Variants in ANK3 observed in about 807,000 individuals in gnomAD.
ANK3 encodes ankyrin 3.
Under a neutral mutation model 370.9 loss-of-function variants are expected in ANK3, and 57 were observed. That is an observed-to-expected ratio of 0.15 (90% CI 0.12 to 0.19). ANK3 has a LOEUF of 0.19. Among genes scored for constraint, ANK3 ranks in the 10% least tolerant of loss-of-function variants. The pLI, the probability that ANK3 is intolerant of heterozygous loss-of-function variation, is 1.00. For missense variants in ANK3, 4,439 were observed against 5,302.1 expected, an observed-to-expected ratio of 0.84 and a Z score of 5.06; for synonymous variants, 1,929 against 1,946.3, an observed-to-expected ratio of 0.99 and a Z score of 0.23.
intron 1 of ANK3, among the ~76,000 whole-genome samples, chr10:60,384,027 A>T (rs1480928856): frequency 6.6e-6 from 1 of 152,216 alleles, no homozygotes; most frequent in Non-Finnish European, 1.5e-5. Context: ...CCTTTGACCC[A>T]AGTTCAAGCC....
Position 60,051,448 on chromosome 10 carries a change from C to A in ANK3, c.13065+4210G>T. ...AGGAGTTTCTAATAGTAGAGCAATG[C>A]CACATAATGATCCAGCTACAGGATA... On this transcript the variant is annotated intron_variant, in intron 42 of 43. Coordinates refer to ENST00000280772, the MANE Select transcript of ANK3 (RefSeq NM_020987.5). 5 of 964,746 alleles carry A rather than the reference C, an allele frequency of 5.2e-6. No individual in the cohort carries two copies. In the South Asian group the frequency reaches 2.4e-4, roughly 46 times the overall value. The allele number at this position is 964,746 out of a possible 1,614,324, so 59.8% of individuals were successfully genotyped here. A position where few individuals can be genotyped will look rare whatever the true frequency, so the allele number is the denominator to read the frequency against.
At chr10:60,345,469 T>G (rs185384265) in intron 1 of ANK3, among the ~76,000 whole-genome samples, 147 of 152,316 alleles carry the variant, frequency 9.7e-4, no homozygotes, top group African/African-American at 3.4e-3. Context: ...TAATTTTCCC[T>G]TTCCTGTTTG....
At chr10:60,547,386 C>T (rs1206043267) in intron 2 of ANK3, among the ~76,000 whole-genome samples, 1 of 151,822 alleles carries the variant, frequency 6.6e-6, no homozygotes, top group Non-Finnish European at 1.5e-5. Flanking sequence ...CCATCGCTCC[C>T]GGTCCTTTTC....
At chr10:60,430,401 G>A (rs1397098839) in intron 2 of ANK3, among the ~76,000 whole-genome samples, 2 of 152,076 alleles carry the variant, frequency 1.3e-5, no homozygotes, top group African/African-American at 4.8e-5. Flanking sequence ...GGTCCATAGA[G>A]TGCAAGAGAA....
chr10:60,430,695 ACTTGTGGGT>A (rs1268908118), intron 2 of ANK3, among the ~76,000 whole-genome samples: 1 of 152,122 alleles, frequency 6.6e-6, no homozygotes, highest in Non-Finnish European at 1.5e-5. Flanking sequence ...CACACAGTCA[ACTTGTGGGT>A]AATGAGAGAA....
At chr10:60,706,699 T>C (rs1406804475) in intron 1 of ANK3, among the ~76,000 whole-genome samples, 1 of 152,214 alleles carries the variant, frequency 6.6e-6, no homozygotes, top group Non-Finnish European at 1.5e-5. Flanking sequence ...AATAAAGCTT[T>C]ACATGTTATG....
At chr10:60,570,635 T>C (rs2077571658) in intron 2 of ANK3, among the ~76,000 whole-genome samples, 1 of 152,010 alleles carries the variant, frequency 6.6e-6, no homozygotes, top group Non-Finnish European at 1.5e-5. Context: ...GGTCAGGAAT[T>C]TGGTATTCAC....
At chr10:60,438,361 T>A (rs905427631) in intron 2 of ANK3, among the ~76,000 whole-genome samples, 3 of 152,134 alleles carry the variant, frequency 2.0e-5, no homozygotes, top group Admixed American at 6.6e-5. Context: ...CAACTCCACT[T>A]ACAATTAGGC....
chr10:60,321,111 C>T (rs942810304), intron 1 of ANK3, among the ~76,000 whole-genome samples: 3 of 152,136 alleles, frequency 2.0e-5, no homozygotes, highest in Non-Finnish European at 4.4e-5. Flanking sequence ...TCATAGTTGG[C>T]TGGGCATGGT....
At chr10:60,354,650 T>A (rs1411027891) in intron 1 of ANK3, among the ~76,000 whole-genome samples, 1 of 152,126 alleles carries the variant, frequency 6.6e-6, no homozygotes, top group Admixed American at 6.6e-5. Flanking sequence ...AAAGAACATA[T>A]AACATAAAAA....
rs370919011 is a variant in ANK3, at chr10:60,075,464, G to A, written c.5417C>T (p.Ser1806Leu). The change falls in exon 37 of 44, where the codon TCG becomes TTG. Residue 1806 changes from serine to leucine, a missense_variant. Coordinates refer to ENST00000280772, the MANE Select transcript of ANK3 (RefSeq NM_020987.5). Reference sequence around the variant, plus strand: ...AGATGAGGTAGTTGCAGATATTGACGACCCAAGGGATGTATAGAGTGCACT... The same window carrying A: ...AGATGAGGTAGTTGCAGATATTGACAACCCAAGGGATGTATAGAGTGCACT... ...SASALYTSLG[S>L]SISATTSSVT... is the part of the protein sequence containing the mutation. The A allele has an allele frequency of 2.5e-5, 41 of 1,612,286 alleles. No homozygotes were observed. The highest frequency in any genetic ancestry group is 1.6e-4 in the Middle Eastern group (1 of 6,084).
At chr10:60,207,347 T>C (rs1319645114) in intron 10 of ANK3, among the ~76,000 whole-genome samples, 4 of 152,172 alleles carry the variant, frequency 2.6e-5, no homozygotes, top group Non-Finnish European at 5.9e-5. Flanking sequence ...TACCTCAAAA[T>C]TGCTAGTAAA....
At chr10:60,496,747 A>T (rs947172662) in intron 2 of ANK3, among the ~76,000 whole-genome samples, 3 of 151,604 alleles carry the variant, frequency 2.0e-5, no homozygotes, top group South Asian at 2.1e-4. Context: ...AAAAAAAAAA[A>T]AAAGATCACC....
Position 60,068,723 on chromosome 10 carries a change from G to A in ANK3, c.12158C>T (p.Ser4053Phe). 1.9e-6 allele frequency: 3 copies of A among 1,614,116 alleles called. No homozygotes were observed. Among genetic ancestry groups the A allele is most frequent in the Non-Finnish European group, 1.7e-6 (2 of 1,179,988 alleles). Reference sequence around the variant, plus strand: ...TGCCTCTGTTTTCTTATCTCTAGCAGACTTCGTTGTAACCGAAGGCTGGCC... The same window carrying A: ...TGCCTCTGTTTTCTTATCTCTAGCAAACTTCGTTGTAACCGAAGGCTGGCC... ...RGGQPSVTTK[S>F]ARDKKTEAAP... is the part of the protein sequence containing the mutation. Residue 4053 changes from serine to phenylalanine, a missense_variant, in exon 37 of 44, where the codon TCT becomes TTT. Transcript: ENST00000280772.
At chr10:60,060,196 T>C (rs2080098329) in intron 40 of ANK3, 2 of 430,764 alleles carry the variant, frequency 4.6e-6, no homozygotes, top group African/African-American at 4.0e-5. Context: ...CAAACTCCAA[T>C]AAAATAGAAT....
chr10:60,081,881 G>T, intron 35 of ANK3: 1 of 324,246 alleles, frequency 3.1e-6, no homozygotes, highest in Non-Finnish European at 5.6e-6. Flanking sequence ...ATTTATACAT[G>T]CCAATCTACC....
At chr10:60,398,386 T>C (rs1419786908) in intron 2 of ANK3, among the ~76,000 whole-genome samples, 1 of 152,146 alleles carries the variant, frequency 6.6e-6, no homozygotes, top group Non-Finnish European at 1.5e-5. Flanking sequence ...AAAGGGTGAA[T>C]GGACAGCATG....
chr10:60,442,245 G>A (rs573159152), intron 2 of ANK3, among the ~76,000 whole-genome samples: 2 of 151,738 alleles, frequency 1.3e-5, no homozygotes, highest in Admixed American at 1.3e-4. Flanking sequence ...ATAGGTGCAC[G>A]CCACCACGCC....
intron 1 of ANK3, among the ~76,000 whole-genome samples, chr10:60,336,252 A>G (rs947707709): frequency 1.3e-5 from 2 of 152,032 alleles, no homozygotes; most frequent in Non-Finnish European, 2.9e-5. Flanking sequence ...GCTGGGAGAG[A>G]GTTGAGCATA....
Sources: allele counts gnomAD v4.1 joint callset (sites outside exome capture counted in the v4.1 genomes callset), GRCh38; gene constraint gnomAD v4.1.1; transcripts MANE v1.5; gene names NCBI Gene and HGNC (gene_info 2026-07-23, HGNC 2026-07-21).